The following HEPH variants were observed in gnomAD, a reference collection of about 807,000 sequenced individuals.
The protein encoded by HEPH is hephaestin.
Under a neutral mutation model 80.8 loss-of-function variants are expected in HEPH, and 69 were observed. The observed-to-expected ratio is 0.85, with a 90% CI of 0.70 to 1.04. The LOEUF (loss-of-function observed/expected upper bound fraction) is 1.04. Among genes scored for constraint, HEPH ranks in the 50% least tolerant of loss-of-function variants. The probability of loss-of-function intolerance (pLI) is 0.00; values close to 1 mark genes in which losing one functional copy is unlikely to be tolerated. For synonymous variants in HEPH, 431 were observed against 322.8 expected (o/e 1.34, Z -3.60); for missense variants, 1,115 against 891.3 (o/e 1.25, Z -3.20).
At chrX:66,186,849 A>T (rs1051893114) in intron 4 of HEPH, among the ~76,000 whole-genome samples, 1 of 111,705 alleles carries the variant, frequency 9.0e-6, no homozygotes, top group African/African-American at 3.2e-5. Context: ...CTTCTTCCTT[A>T]GGAATACCAA....
At chrX:66,202,354 G>A (rs1415787626) in intron 12 of HEPH, among the ~76,000 whole-genome samples, 2 of 111,955 alleles carry the variant, frequency 1.8e-5, no homozygotes, top group Non-Finnish European at 3.8e-5. Flanking sequence ...ACTCATAGAA[G>A]GCTTTGAAAG....
At position 66,203,446 on chromosome X, in the gene HEPH, C is replaced by G. The variant is rs1046567697; in HGVS notation, c.2160C>G (p.Gly720=). 8.3e-7 allele frequency: 1 copy of G among 1,207,908 alleles called. No individual in the cohort carries two copies. The highest frequency in any genetic ancestry group is 1.8e-5 in the African/African-American group (1 of 56,645). ...TCTATAATGTCTCCCAGTGTCCTGGCCACCAAGCCACCCCTCGCCAACGCT... is the reference window on the plus strand; with the variant it reads ...TCTATAATGTCTCCCAGTGTCCTGGGCACCAAGCCACCCCTCGCCAACGCT... ...RAIYNVSQCP[G]HQATPRQRYQ... is the part of the protein sequence containing the mutation. The change falls in exon 13 of 21, where the codon GGC becomes GGG. Residue 720 remains glycine, a synonymous_variant. Coordinates refer to ENST00000343002, the MANE Select transcript of HEPH (RefSeq NM_001367233.3).
In HEPH at chrX:66,221,129, G is replaced by A. The variant is rs150677506; in HGVS notation, c.2563+12883G>A. Among the ~76,000 whole-genome samples the A allele has an allele frequency of 5.8e-3, 644 of 111,311 alleles. 5 individuals carry two copies. The highest frequency in any genetic ancestry group is 0.02 in the African/African-American group (605 of 30,567). ...GCTGTGCGTGGACCAGTCAGCTTCC[G>A]GGTGTGACTGGAACAGGGCTTGTCG... On this transcript the variant is annotated intron_variant, in intron 15 of 20. Coordinates refer to ENST00000343002, the MANE Select transcript of HEPH (RefSeq NM_001367233.3).
At chrX:66,248,023 C>T (rs983116435) in intron 15 of HEPH, among the ~76,000 whole-genome samples, 7 of 111,241 alleles carry the variant, frequency 6.3e-5, no homozygotes, top group Non-Finnish European at 1.3e-4. Context: ...GGCATCTTTT[C>T]TCTCATTAAA....
At chrX:66,208,638 A>G (rs1164740788) in intron 15 of HEPH, among the ~76,000 whole-genome samples, 5 of 31,048 alleles carry the variant, frequency 1.6e-4, no homozygotes, top group African/African-American at 5.8e-4. Flanking sequence ...ATACATATAT[A>G]TATATATATA....
chrX:66,208,283 G>A (rs2088906524), intron 15 of HEPH, 37 bp downstream of exon 15: 4 of 1,166,859 alleles, frequency 3.4e-6, no homozygotes, highest in Non-Finnish European at 4.6e-6. Context: ...CAAAGGACAT[G>A]CATCACGTCT....
intron 15 of HEPH, among the ~76,000 whole-genome samples, chrX:66,227,907 G>T (rs757077752): frequency 9.0e-6 from 1 of 110,848 alleles, no homozygotes; most frequent in Non-Finnish European, 1.9e-5. Context: ...ATGAATTTTA[G>T]GATTTTTTTT....
intron 14 of HEPH, 68 bp downstream of exon 14, chrX:66,207,402 C>A: frequency 2.4e-6 from 2 of 832,825 alleles, no homozygotes; most frequent in Non-Finnish European, 3.2e-6. Flanking sequence ...CTATGTTATA[C>A]CAGGATGGCC....
chrX:66,264,487 A>C (rs1192851850), intron 20 of HEPH, among the ~76,000 whole-genome samples: 1 of 109,259 alleles, frequency 9.2e-6, no homozygotes, highest in African/African-American at 3.3e-5. Flanking sequence ...TCTGACCTTG[A>C]ATACTGTAGA....
chrX:66,265,721 T>C (rs1271312023), intron 20 of HEPH, among the ~76,000 whole-genome samples: 3 of 111,510 alleles, frequency 2.7e-5, no homozygotes, highest in African/African-American at 9.8e-5. Context: ...ATGAGCAAAG[T>C]CTTAGAAGCC....
intron 4 of HEPH, among the ~76,000 whole-genome samples, chrX:66,175,174 C>T (rs1412344374): frequency 8.9e-6 from 1 of 111,915 alleles, no homozygotes; most frequent in African/African-American, 3.2e-5. Context: ...AATTCATCTT[C>T]ATTTGATTTT....
intron 4 of HEPH, among the ~76,000 whole-genome samples, chrX:66,177,526 C>A (rs757358421): frequency 5.4e-5 from 6 of 111,589 alleles, no homozygotes; most frequent in African/African-American, 1.9e-4. Context: ...TTCATAGTAG[C>A]CTTGAATCTT....
At chrX:66,202,274 T>A (rs1386424565) in intron 12 of HEPH, among the ~76,000 whole-genome samples, 1 of 111,443 alleles carries the variant, frequency 9.0e-6, no homozygotes, top group African/African-American at 3.3e-5. Context: ...CAGAGTTCCA[T>A]GTAGTTGGAG....
At chrX:66,254,270 G>A (rs958516793) in intron 15 of HEPH, among the ~76,000 whole-genome samples, 1 of 110,896 alleles carries the variant, frequency 9.0e-6, no homozygotes, top group African/African-American at 3.3e-5. Context: ...GAAGAGGATG[G>A]TTCTAAAATA....
At position 66,205,771 on chromosome X, in the gene HEPH, T is replaced by A. The variant is rs1030694033; in HGVS notation, c.2292-1424T>A. Among the ~76,000 whole-genome samples, 6 of 110,446 alleles carry A rather than the reference T, an allele frequency of 5.4e-5. No homozygotes were observed. In the East Asian group the frequency reaches 1.7e-3, roughly 31 times the overall value. The stretch of plus-strand genomic sequence containing the variant: ...CTGCCACACCCATATATTGCCCATT[T>A]TTAATGGGGTGATTTGTTTTTTGCT... On this transcript the variant is annotated intron_variant, in intron 13 of 20. Coordinates refer to ENST00000343002, the MANE Select transcript of HEPH (RefSeq NM_001367233.3).
intron 11 of HEPH, among the ~76,000 whole-genome samples, chrX:66,199,813 T>G (rs1178123075): frequency 9.0e-6 from 1 of 111,438 alleles, no homozygotes; most frequent in Non-Finnish European, 1.9e-5. Context: ...AAAGAGACCA[T>G]AAGGGAAGTT....
chrX:66,200,595 C>T lies in HEPH; in HGVS notation c.1920C>T (p.Asp640=). Residue 640 remains aspartate, a synonymous_variant, in exon 12 of 21, where the codon GAC becomes GAT. Transcript: ENST00000343002. ...CCAGGCTGGACATGTGCAAGGGTGACACAGTGGCCTGGCACCTGCTCGGCC... is the reference window on the plus strand; with the variant it reads ...CCAGGCTGGACATGTGCAAGGGTGATACAGTGGCCTGGCACCTGCTCGGCC... ...NLPRLDMCKG[D]TVAWHLLGLG... 8.3e-7 allele frequency: 1 copy of T among 1,209,549 alleles called. No individual in the cohort carries two copies. Among genetic ancestry groups the T allele is most frequent in the Non-Finnish European group, 1.1e-6 (1 of 894,345 alleles).
At chrX:66,205,387 G>A (rs369939367) in intron 13 of HEPH, among the ~76,000 whole-genome samples, 5 of 111,123 alleles carry the variant, frequency 4.5e-5, no homozygotes, top group African/African-American at 1.6e-4. Flanking sequence ...GAAATTAATG[G>A]CCTCCAGGTA....
chrX:66,205,384 A>G (rs2088708886), intron 13 of HEPH, among the ~76,000 whole-genome samples: 1 of 111,583 alleles, frequency 9.0e-6, no homozygotes, highest in Non-Finnish European at 1.9e-5. Flanking sequence ...TGAGAAATTA[A>G]TGGCCTCCAG....
Sources: allele counts gnomAD v4.1 joint callset (sites outside exome capture counted in the v4.1 genomes callset), GRCh38; gene constraint gnomAD v4.1.1; transcripts MANE v1.5; gene names NCBI Gene and HGNC (gene_info 2026-07-23, HGNC 2026-07-21).